KDM5A: variants seen among roughly 807,000 people sequenced by gnomAD.
KDM5A encodes the protein lysine demethylase 5A.
Under a neutral mutation model 193.5 loss-of-function variants are expected in KDM5A, and 42 were observed. That is an observed-to-expected ratio of 0.22 (90% CI 0.17 to 0.28). The LOEUF (loss-of-function observed/expected upper bound fraction) is 0.28, where lower values mean the gene tolerates loss of function less well. KDM5A is among the 10% of genes least tolerant of loss of function. The pLI is 1.00. For synonymous variants in KDM5A, 796 were observed against 718.1 expected (o/e 1.11, Z -1.73); for missense variants, 1,692 against 2,055.1 (o/e 0.82, Z 3.42).
intron 27 of KDM5A, among the ~76,000 whole-genome samples, chr12:287,260 A>G (rs1310215050): frequency 6.6e-6 from 1 of 152,170 alleles, no homozygotes; most frequent in Non-Finnish European, 1.5e-5. Flanking sequence ...TGAACTCAGA[A>G]TATCTGGGGA....
chr12:369,877 T>C lies in KDM5A; in HGVS notation c.367-3773A>G, dbSNP rs147310200. Among the ~76,000 whole-genome samples, 678 of 152,338 alleles carry C rather than the reference T, an allele frequency of 4.5e-3. 1 individual carries two copies. Among genetic ancestry groups the C allele is most frequent in the Middle Eastern group, 0.01 (3 of 294 alleles). ...CAAGCTAAATTTCCATTAGTTATGA[T>C]ACACCTGCATGGATCCAGTCATGAT... On this transcript the variant is annotated intron_variant, in intron 3 of 27. Transcript: ENST00000399788.
At chr12:338,984 A>G (rs1261598875) in intron 10 of KDM5A, among the ~76,000 whole-genome samples, 1 of 152,136 alleles carries the variant, frequency 6.6e-6, no homozygotes, top group African/African-American at 2.4e-5. Flanking sequence ...GTTCGAGACC[A>G]GCCTGACCAA....
In KDM5A at chr12:388,211, G is replaced by T. The variant is rs190527431; in HGVS notation, c.165+716C>A. 1,428 of 449,912 alleles carry T rather than the reference G, an allele frequency of 3.2e-3. 30 individuals are homozygous for T. The highest frequency in any genetic ancestry group is 0.022 in the South Asian group (1,378 of 63,894). The allele number at this position is 449,912 out of a possible 1,614,324, so 27.9% of individuals were successfully genotyped here. Reference sequence around the variant, plus strand: ...GGGGCATTAATCCCCTCCACACAAGGGATAGTATCTGTTTTCCTTACCTCA... The same window carrying T: ...GGGGCATTAATCCCCTCCACACAAGTGATAGTATCTGTTTTCCTTACCTCA... On this transcript the variant is annotated intron_variant, in intron 1 of 27. Transcript: ENST00000399788.
intron 5 of KDM5A, among the ~76,000 whole-genome samples, chr12:358,995 A>AT (rs1034342877): frequency 2.4e-4 from 21 of 89,132 alleles, no homozygotes; most frequent in South Asian, 7.6e-4. Context: ...ATAATAAAAA[A>AT]TAAAAAAAAA....
intron 25 of KDM5A, among the ~76,000 whole-genome samples, chr12:296,114 T>G (rs1193611698): frequency 6.6e-6 from 1 of 151,418 alleles, no homozygotes; most frequent in Non-Finnish European, 1.5e-5. Flanking sequence ...AGGTCAGGAG[T>G]TCGAAACCAG....
At chr12:289,720 A>AAG in intron 27 of KDM5A, among the ~76,000 whole-genome samples, 1 of 151,004 alleles carries the variant, frequency 6.6e-6, no homozygotes, top group African/African-American at 2.4e-5. Context: ...GTCTCAAAAA[A>AAG]AAAAAAAAAA....
In KDM5A at chr12:328,925, G is replaced by A. The variant is rs752059869; in HGVS notation, c.1878C>T (p.Cys626=). 5.6e-6 allele frequency: 9 copies of A among 1,614,186 alleles called. No individual in the cohort carries two copies. The Admixed American group carries it at 1.5e-4, about 27-fold the overall frequency. The change falls in exon 14 of 28, where the codon TGC becomes TGT. Residue 626 remains cysteine, a synonymous_variant. Coordinates refer to ENST00000399788, the MANE Select transcript of KDM5A (RefSeq NM_001042603.3). The stretch of plus-strand genomic sequence containing the variant: ...CCATGGCAGCCAGCCCCACATCTAA[G>A]CATTCTGGATCTGCTGCCATCTTGA... The part of the protein sequence containing the change: ...LIFKMAADPE[C]LDVGLAAMVC...
At chr12:329,476 T>C (rs1338295630) in intron 13 of KDM5A, among the ~76,000 whole-genome samples, 4 of 149,646 alleles carry the variant, frequency 2.7e-5, no homozygotes, top group Non-Finnish European at 4.4e-5. Context: ...AAAGAACAGA[T>C]GTTATTAGAA....
chr12:385,008 G>A (rs761016551), intron 2 of KDM5A, among the ~76,000 whole-genome samples: 4 of 152,128 alleles, frequency 2.6e-5, no homozygotes, highest in East Asian at 1.9e-4. Flanking sequence ...TGGCCAACAC[G>A]GCAAAACTCC....
intron 19 of KDM5A, among the ~76,000 whole-genome samples, chr12:316,988 T>A (rs1176959132): frequency 1.3e-5 from 2 of 152,186 alleles, no homozygotes; most frequent in Non-Finnish European, 2.9e-5. Context: ...AGTTTCCTCA[T>A]CCTCACAATA....
chr12:303,529 G>A (rs1204516878), intron 24 of KDM5A, among the ~76,000 whole-genome samples: 1 of 152,128 alleles, frequency 6.6e-6, no homozygotes, highest in Non-Finnish European at 1.5e-5. Context: ...CAGGCCTAGG[G>A]GAGGCATAGC....
intron 9 of KDM5A, among the ~76,000 whole-genome samples, chr12:351,898 G>A (rs1330465516): frequency 1.3e-5 from 2 of 152,070 alleles, no homozygotes; most frequent in Non-Finnish European, 2.9e-5. Context: ...GAGGTCAGGA[G>A]TTCAAGACCA....
intron 3 of KDM5A, among the ~76,000 whole-genome samples, chr12:371,869 T>C (rs1192788435): frequency 6.6e-6 from 1 of 152,212 alleles, no homozygotes; most frequent in Non-Finnish European, 1.5e-5. Context: ...CTTTCCCCAT[T>C]TCTTGTTTTT....
intron 3 of KDM5A, among the ~76,000 whole-genome samples, chr12:370,706 G>C (rs886218994): frequency 3.3e-5 from 5 of 152,066 alleles, no homozygotes; most frequent in African/African-American, 1.2e-4. Context: ...ACGTTGGTGT[G>C]CTGCACACAT....
rs1382381007 is a variant in KDM5A at position 318,254 on chromosome 12, C to T, written c.2749G>A (p.Val917Ile). The T allele has an allele frequency of 6.2e-7, 1 of 1,614,198 alleles. No individual in the cohort carries two copies. Reference protein sequence around the residue: ...VRLTLSDPQQVTLDVMKKLID... With the variant: ...VRLTLSDPQQITLDVMKKLID... ...AGCTTCTTCATGACATCCAAAGTGACTTGTTGCGGATCTGATAAGGTCAGT... is the reference window on the plus strand; with the variant it reads ...AGCTTCTTCATGACATCCAAAGTGATTTGTTGCGGATCTGATAAGGTCAGT... The change falls in exon 19 of 28, where the codon GTC (valine) becomes ATC (isoleucine). Residue 917 changes from valine to isoleucine, a missense_variant. Around this residue, in one of 11 missense-constraint regions of KDM5A, gnomAD observed 965 missense variants for 1,061.0 expected, o/e 0.91. Transcript: ENST00000399788.
At chr12:306,564 G>A (rs375121703) in intron 24 of KDM5A, among the ~76,000 whole-genome samples, 3 of 151,932 alleles carry the variant, frequency 2.0e-5, no homozygotes, top group East Asian at 1.9e-4. Context: ...CCAACATGAC[G>A]AAACCCCATC....
At chr12:326,643 C>T (rs1434993995) in intron 14 of KDM5A, among the ~76,000 whole-genome samples, 3 of 152,072 alleles carry the variant, frequency 2.0e-5, no homozygotes, top group African/African-American at 4.8e-5. Flanking sequence ...GGACGGATCA[C>T]GAGGTCAGGA....
chr12:287,377 G>A (rs1015671643), intron 27 of KDM5A, among the ~76,000 whole-genome samples: 1 of 151,866 alleles, frequency 6.6e-6, no homozygotes, highest in East Asian at 1.9e-4. Flanking sequence ...TAAATTCAGA[G>A]CAACTTAACA....
At chr12:367,863 T>C (rs1358593753) in intron 3 of KDM5A, among the ~76,000 whole-genome samples, 1 of 150,104 alleles carries the variant, frequency 6.7e-6, no homozygotes, top group Non-Finnish European at 1.5e-5. Flanking sequence ...AGTGACCCTG[T>C]CTCAAAAAAA....
Sources: gnomAD v4.1 joint callset for allele counts (sites outside exome capture counted in the v4.1 genomes callset) on GRCh38, gnomAD v4.1.1 for gene constraint, gnomAD v4.1.1 regional missense constraint, MANE v1.5 for transcripts, NCBI Gene and HGNC (gene_info 2026-07-23, HGNC 2026-07-21) for gene names.